The following L3MBTL1 variants were observed in gnomAD, a reference collection of about 807,000 sequenced individuals.
The protein encoded by L3MBTL1 is L3MBTL histone methyl-lysine binding protein 1.
L3MBTL1 carries 75 observed loss-of-function variants against 105.3 expected under a neutral mutation model. That is an observed-to-expected ratio of 0.71 (90% confidence interval 0.59 to 0.86). L3MBTL1 has a LOEUF of 0.86. Ranked by LOEUF, L3MBTL1 falls within the 40% of genes least tolerant of loss-of-function variation. L3MBTL1 has a pLI of 0.00. For missense variants in L3MBTL1, 1,069 were observed against 1,126.4 expected, an observed-to-expected ratio of 0.95 and a Z score of 0.73; for synonymous variants, 452 against 436.2, an observed-to-expected ratio of 1.04 and a Z score of -0.45.
Position 43,528,598 on chromosome 20 carries a change from G to A in L3MBTL1, c.863-59G>A, listed in dbSNP as rs566862762. 68 of 1,348,528 alleles carry A rather than the reference G, an allele frequency of 5.0e-5. 1 individual carries two copies. In the South Asian group the frequency reaches 6.3e-4, roughly 13 times the overall value. 83.5% of individuals were successfully genotyped at this position (1,348,528 alleles called of 1,614,324 possible). ...AGGTAGAGCTTGGTCAGGGGAAGCC[G>A]AAGAAAGTCATATATCAGGAACAGC... On this transcript the variant is annotated intron_variant, in intron 7 of 21. Transcript: ENST00000418998.
At position 43,541,144 on chromosome 20, in the gene L3MBTL1, C is replaced by G. The variant is rs758332412; in HGVS notation, c.*16C>G. ...TCAATATTAAAGTGTACTTTTTTCC[C>G]CTTTAATCCAATATAGTTGATAATT... On this transcript the variant is annotated 3_prime_UTR_variant, in exon 22 of 22. Transcript: ENST00000418998. 1.2e-5 allele frequency: 20 copies of G among 1,607,478 alleles called. No homozygotes were observed. The highest frequency in any genetic ancestry group is 1.7e-5 in the Admixed American group (1 of 59,782).
chr20:43,515,271 C>T lies in L3MBTL1; in HGVS notation c.654-21C>T, dbSNP rs145351923. ...TGGTGCAGGGCGGGTGGTTCTTTCC[C>T]TAAGGCTGGCCCTTCCTCAGGTCAG... On this transcript the variant is annotated intron_variant, in intron 5 of 21. Coordinates refer to ENST00000418998, the MANE Select transcript of L3MBTL1 (RefSeq NM_001377303.1). 793 of 1,610,576 alleles carry T rather than the reference C, an allele frequency of 4.9e-4. 3 individuals carry two copies. The African/African-American group carries it at 9.6e-3, about 20-fold the overall frequency.
chr20:43,523,709 T>G (rs2018860422), intron 7 of L3MBTL1: 1 of 152,596 alleles, frequency 6.6e-6, no homozygotes. Flanking sequence ...TAAATTTCTC[T>G]TATTTTCTTT....
At chr20:43,514,350 G>C in intron 3 of L3MBTL1, 1 of 1,237,174 alleles carries the variant, frequency 8.1e-7, no homozygotes, top group Non-Finnish European at 1.1e-6. Flanking sequence ...GTGTTAGTTT[G>C]GGGGCGTGGC....
intron 7 of L3MBTL1, among the ~76,000 whole-genome samples, chr20:43,522,467 T>G (rs1440585535): frequency 1.7e-5 from 2 of 119,128 alleles, no homozygotes; most frequent in Admixed American, 8.6e-5. Flanking sequence ...GTTTTTTTTT[T>G]TTTTTTTTTT....
intron 8 of L3MBTL1, 97 bp downstream of exon 8, chr20:43,528,842 G>T: frequency 1.1e-6 from 1 of 913,206 alleles, no homozygotes; most frequent in Non-Finnish European, 1.8e-6. Context: ...TGTCAGGCAT[G>T]CCTCAGTGGA....
chr20:43,547,158 G>A (rs1387584726), intron 18 of L3MBTL1, among the ~76,000 whole-genome samples: 2 of 143,838 alleles, frequency 1.4e-5, no homozygotes, highest in Non-Finnish European at 3.0e-5. Flanking sequence ...AGGCTGGAGT[G>A]CAGTGGCGCG....
At chr20:43,523,909 C>G (rs569311019) in intron 7 of L3MBTL1, among the ~76,000 whole-genome samples, 1 of 150,656 alleles carries the variant, frequency 6.6e-6, no homozygotes, top group African/African-American at 2.4e-5. Context: ...GCAGGATAAT[C>G]ACTTGAACCG....
chr20:43,529,143 A>G (rs901292827), intron 8 of L3MBTL1, 121 bp from the exon 9 acceptor site: 7 of 681,594 alleles, frequency 1.0e-5, no homozygotes, highest in Non-Finnish European at 1.3e-5. Flanking sequence ...ATCCCCAAAT[A>G]AGTTGCCCCT....
At chr20:43,513,407 T>TCACATCTCCA in intron 1 of L3MBTL1, 69 bp from the exon 2 acceptor site, 1 of 1,458,754 alleles carries the variant, frequency 6.9e-7, no homozygotes, top group Admixed American at 2.2e-5. Flanking sequence ...CCCCATCCCT[T>TCACATCTCCA]CACATCTCCA....
intron 15 of L3MBTL1, 77 bp downstream of exon 15, chr20:43,534,471 G>A (rs2019504251): frequency 1.8e-6 from 2 of 1,106,740 alleles, no homozygotes; most frequent in South Asian, 1.3e-5. Flanking sequence ...AGAGGTCAGG[G>A]GCATCATGGC....
Position 43,515,289 on chromosome 20 carries a change from C to G in L3MBTL1, c.654-3C>G, listed in dbSNP as rs940191570. Reference sequence around the variant, plus strand: ...TCTTTCCCTAAGGCTGGCCCTTCCTCAGGTCAGTCATAGTGGAGAACTCCT... The same window carrying G: ...TCTTTCCCTAAGGCTGGCCCTTCCTGAGGTCAGTCATAGTGGAGAACTCCT... On this transcript the variant is annotated splice_polypyrimidine_tract_variant and splice_region_variant and intron_variant, in intron 5 of 21. Coordinates refer to ENST00000418998, the MANE Select transcript of L3MBTL1 (RefSeq NM_001377303.1). 1 of 1,607,424 alleles carries G rather than the reference C, an allele frequency of 6.2e-7. No homozygotes were observed.
At chr20:43,537,776 C>A (rs1461915018) in intron 19 of L3MBTL1, among the ~76,000 whole-genome samples, 1 of 152,156 alleles carries the variant, frequency 6.6e-6, no homozygotes, top group African/African-American at 2.4e-5. Context: ...GTTTAGTGCA[C>A]CTTGGCGAGA....
chr20:43,545,760 T>C (rs2269624), downstream of L3MBTL1, among the ~76,000 whole-genome samples: 16,632 of 152,254 alleles, frequency 0.11, 1,113 homozygotes, highest in East Asian at 0.32. Flanking sequence ...TCATTTTCTT[T>C]TGGGGGAAAG....
chr20:43,515,220 G>T, intron 5 of L3MBTL1, 61 bp downstream of exon 5: 2 of 1,613,818 alleles, frequency 1.2e-6, no homozygotes, highest in Non-Finnish European at 1.7e-6. Flanking sequence ...CCTCATTCCT[G>T]TTCAGGGGTT....
At chr20:43,524,754 G>T (rs2018932274) in intron 7 of L3MBTL1, among the ~76,000 whole-genome samples, 1 of 152,066 alleles carries the variant, frequency 6.6e-6, no homozygotes, top group Non-Finnish European at 1.5e-5. Context: ...ACAAGGTGGG[G>T]GTGGGATTTT....
intron 7 of L3MBTL1, among the ~76,000 whole-genome samples, chr20:43,524,205 C>T (rs1391650489): frequency 2.6e-5 from 4 of 152,142 alleles, no homozygotes; most frequent in Non-Finnish European, 4.4e-5. Context: ...CTTCATGAGA[C>T]AGATTTATTT....
At position 43,528,696 on chromosome 20, in the gene L3MBTL1, A is replaced by G; in HGVS notation, c.902A>G (p.Tyr301Cys). 1.2e-6 allele frequency: 2 copies of G among 1,614,136 alleles called. No individual in the cohort carries two copies. The highest frequency in any genetic ancestry group is 1.7e-4 in the Middle Eastern group (1 of 6,060). ...EKKECWSWESYLEEQKAITAP... is the reference protein window; with the variant it reads ...EKKECWSWESCLEEQKAITAP... Reference sequence around the variant, plus strand: ...AAGGAATGCTGGTCGTGGGAGTCCTACCTAGAGGAGCAGAAGGCCATTACT... The same window carrying G: ...AAGGAATGCTGGTCGTGGGAGTCCTGCCTAGAGGAGCAGAAGGCCATTACT... Residue 301 changes from tyrosine (Y) to cysteine (C), a missense_variant, in exon 8 of 22, where the codon TAC (tyrosine) becomes TGC (cysteine). Coordinates refer to ENST00000418998, the MANE Select transcript of L3MBTL1 (RefSeq NM_001377303.1).
exon 19 of L3MBTL1, chr20:43,550,796 C>T (rs117946455): frequency 6.6e-6 from 1 of 152,134 alleles, no homozygotes; most frequent in Non-Finnish European, 1.5e-5. Flanking sequence ...CATTTTTGTA[C>T]TTGCCTCTTG....
Sources: gnomAD v4.1 joint callset for allele counts (sites outside exome capture counted in the v4.1 genomes callset) on GRCh38, gnomAD v4.1.1 for gene constraint, MANE v1.5 for transcripts, NCBI Gene and HGNC (gene_info 2026-07-23, HGNC 2026-07-21) for gene names.